The following KLHL14 variants were observed in gnomAD, a reference collection of about 807,000 sequenced individuals.
The protein encoded by KLHL14 is kelch-like protein 14.
A neutral mutation model predicts 64.3 loss-of-function variants in KLHL14; 22 were observed. The observed-to-expected ratio is 0.34, with a 90% CI of 0.24 to 0.49. KLHL14 has a LOEUF of 0.49. KLHL14 is among the 20% of genes least tolerant of loss of function. KLHL14 has a pLI of 0.99. For missense variants in KLHL14, 661 were observed against 789.0 expected, an observed-to-expected ratio of 0.84 and a Z score of 1.94; for synonymous variants, 322 against 333.4, an observed-to-expected ratio of 0.97 and a Z score of 0.37.
At chr18:32,756,403 T>TCACACACACA (rs3042637) in intron 2 of KLHL14, among the ~76,000 whole-genome samples, 83 of 150,852 alleles carry the variant, frequency 5.5e-4, no homozygotes, top group African/African-American at 1.5e-3. Context: ...AGAGTTTCCT[T>TCACACACACA]CACACACACA....
intron 3 of KLHL14, among the ~76,000 whole-genome samples, chr18:32,741,580 G>A (rs756397915): frequency 2.6e-4 from 40 of 152,108 alleles, no homozygotes; most frequent in Non-Finnish European, 4.6e-4. Context: ...ATTTACTAGC[G>A]AACGCCATAA....
chr18:32,734,269 C>T, intron 3 of KLHL14: 1 of 702,560 alleles, frequency 1.4e-6, no homozygotes, highest in African/African-American at 1.7e-5. Context: ...ATATATGTCA[C>T]TTTTAATCAC....
intron 2 of KLHL14, among the ~76,000 whole-genome samples, chr18:32,764,668 G>C (rs1326773774): frequency 6.6e-6 from 1 of 152,092 alleles, no homozygotes; most frequent in African/African-American, 2.4e-5. Flanking sequence ...TTCATGATGT[G>C]AAAATTACAG....
chr18:32,687,681 T>C (rs2049886209), intron 4 of KLHL14, among the ~76,000 whole-genome samples: 1 of 152,196 alleles, frequency 6.6e-6, no homozygotes, highest in South Asian at 2.1e-4. Flanking sequence ...CAAAAACTTC[T>C]TACATCTTCT....
Position 32,768,128 on chromosome 18 carries a change from C to G in KLHL14, c.947+1517G>C, listed in dbSNP as rs118170585. On this transcript the variant is annotated intron_variant, in intron 2 of 8. Transcript: ENST00000359358. ...CGTTTCATGTTTTTTTCCTCATTGG[C>G]CTCTTGTGCTCACTGTTAAAAGCAC... is the stretch of plus-strand genomic sequence containing the variant. Among the ~76,000 whole-genome samples the G allele has an allele frequency of 8.6e-3, 1,308 of 152,224 alleles. 9 individuals are homozygous for G. Among genetic ancestry groups the G allele is most frequent in the Non-Finnish European group, 0.015 (1,015 of 68,020 alleles).
At chr18:32,722,453 A>G (rs7230398) in intron 3 of KLHL14, among the ~76,000 whole-genome samples, 8,142 of 152,232 alleles carry the variant, frequency 0.053, 663 homozygotes, top group African/African-American at 0.18. Flanking sequence ...CTCTTCAAAT[A>G]AAAACTCATG....
intron 3 of KLHL14, among the ~76,000 whole-genome samples, chr18:32,717,810 C>G (rs374835692): frequency 4.9e-4 from 75 of 152,282 alleles, no homozygotes; most frequent in African/African-American, 1.8e-3. Flanking sequence ...TATCATGTGC[C>G]AGGCACAAGT....
At chr18:32,702,365 T>G (rs2049970553) in intron 3 of KLHL14, among the ~76,000 whole-genome samples, 1 of 150,244 alleles carries the variant, frequency 6.7e-6, no homozygotes, top group African/African-American at 2.4e-5. Flanking sequence ...TAAAAAAAAG[T>G]CTTCAATTTT....
chr18:32,742,847 C>T (rs1457152476), intron 2 of KLHL14: 1 of 152,298 alleles, frequency 6.6e-6, no homozygotes, highest in Non-Finnish European at 1.5e-5. Flanking sequence ...TACCTTCTCC[C>T]CCAGGGGGCA....
intron 4 of KLHL14, among the ~76,000 whole-genome samples, chr18:32,688,873 C>A (rs766080955): frequency 2.6e-5 from 4 of 152,160 alleles, no homozygotes; most frequent in Admixed American, 6.6e-5. Context: ...CCACTACAAT[C>A]ATCAAGGTAA....
chr18:32,723,355 T>C (rs767831099), intron 3 of KLHL14, among the ~76,000 whole-genome samples: 1 of 152,230 alleles, frequency 6.6e-6, no homozygotes, highest in South Asian at 2.1e-4. Flanking sequence ...AGGTCCTTGC[T>C]CTGTTCTTCC....
In KLHL14 at chr18:32,680,530, G is replaced by A. The variant is rs1397148907; in HGVS notation, c.1308C>T (p.Gly436=). The A allele has an allele frequency of 1.2e-6, 2 of 1,613,634 alleles. No individual in the cohort carries two copies. The highest frequency in any genetic ancestry group is 1.7e-6 in the Non-Finnish European group (2 of 1,179,878). Residue 436 remains glycine (G), a synonymous_variant, in exon 6 of 9, where the codon GGC becomes GGT. Coordinates refer to ENST00000359358, the MANE Select transcript of KLHL14 (RefSeq NM_020805.3). This position sits in a 1 kb window ranked among gnomAD's most constrained non-coding sequence, Gnocchi z 4.8. ...LYVIGGRNET[G]YLSSVECYNL... ...TATAGCACTCCACGCTGGACAAGTA[G>A]CCAGTTTCATTCCTTCCACCAATTA...
chr18:32,716,165 G>C (rs1480878975), intron 3 of KLHL14, among the ~76,000 whole-genome samples: 1 of 152,086 alleles, frequency 6.6e-6, no homozygotes, highest in Admixed American at 6.6e-5. Context: ...TTAAAATATA[G>C]TCAACTTGTG....
At position 32,769,811 on chromosome 18, in the gene KLHL14, T is replaced by A. The variant is rs746858061; in HGVS notation, c.781A>T (p.Met261Leu). The A allele has an allele frequency of 1.2e-6, 2 of 1,612,262 alleles. No individual in the cohort carries two copies. Among genetic ancestry groups the A allele is most frequent in the East Asian group, 4.5e-5 (2 of 44,810 alleles). ...ETRMQYAPDL[M>L]KRLRFALIPA... ...ATGAGGGCGAAGCGGAGGCGCTTCA[T>A]GAGGTCAGGCGCATACTGCATGCGG... The change falls in exon 2 of 9, where the codon ATG becomes TTG. Residue 261 changes from methionine (M) to leucine (L), a missense_variant. Physicochemically the swap from Met to Leu is conservative, Grantham distance 15. Coordinates refer to ENST00000359358, the MANE Select transcript of KLHL14 (RefSeq NM_020805.3).
At position 32,770,911 on chromosome 18, in the gene KLHL14, C is replaced by T. The variant is rs1465756161; in HGVS notation, c.-43-277G>A. 6.4e-6 allele frequency: 3 copies of T among 470,478 alleles called. No homozygotes were observed. Among genetic ancestry groups the T allele is most frequent in the Non-Finnish European group, 7.9e-6 (2 of 253,346 alleles). 29.1% of individuals were successfully genotyped at this position (470,478 alleles called of 1,614,324 possible). On this transcript the variant is annotated intron_variant, in intron 1 of 8. Coordinates refer to ENST00000359358, the MANE Select transcript of KLHL14 (RefSeq NM_020805.3). The surrounding 1 kb of genome is among the most constrained non-coding windows in gnomAD (Gnocchi z 6.7). ...TCGCCACCTCCCACACACTTCGTCC[C>T]TCACTTTCCTAAAACCAACCACCTC...
At chr18:32,716,701 G>A (rs945280190) in intron 3 of KLHL14, among the ~76,000 whole-genome samples, 4 of 152,128 alleles carry the variant, frequency 2.6e-5, no homozygotes, top group African/African-American at 9.7e-5. Flanking sequence ...TTACAGGCAT[G>A]GGCCTCTGCA....
rs561500009 is a variant in KLHL14, at chr18:32,677,075, T to C, written c.1746+98A>G. 31 of 1,286,542 alleles carry C rather than the reference T, an allele frequency of 2.4e-5. No homozygotes were observed. In the African/African-American group the frequency reaches 4.6e-4, roughly 19 times the overall value. 79.7% of individuals were successfully genotyped at this position (1,286,542 alleles called of 1,614,324 possible). A position where few individuals can be genotyped will look rare whatever the true frequency, so the allele number is the denominator to read the frequency against. On this transcript the variant is annotated intron_variant, in intron 8 of 8. Transcript: ENST00000359358. ...CTGCTTGCATGTAAGTATGATACTCTTAAAAGGTACATGTGTGGAGGATAA... is the reference window on the plus strand; with the variant it reads ...CTGCTTGCATGTAAGTATGATACTCCTAAAAGGTACATGTGTGGAGGATAA...
At chr18:32,751,852 C>G (rs1026837331) in intron 2 of KLHL14, among the ~76,000 whole-genome samples, 1 of 152,152 alleles carries the variant, frequency 6.6e-6, no homozygotes, top group Non-Finnish European at 1.5e-5. Context: ...TAGAGTCCAA[C>G]GTAGTGTCTC....
At position 32,706,462 on chromosome 18, in the gene KLHL14, G is replaced by T. The variant is rs548235837; in HGVS notation, c.1070-10910C>A. On this transcript the variant is annotated intron_variant, in intron 3 of 8. Coordinates refer to ENST00000359358, the MANE Select transcript of KLHL14 (RefSeq NM_020805.3). Reference sequence around the variant, plus strand: ...CTTTCTCGGCACTGTTTTTTAACTGGCAAAACTAGATATTCACTGAATACT... The same window carrying T: ...CTTTCTCGGCACTGTTTTTTAACTGTCAAAACTAGATATTCACTGAATACT... Among the ~76,000 whole-genome samples the T allele has an allele frequency of 6.4e-4, 97 of 152,150 alleles. 2 individuals are homozygous for T. In the South Asian group the frequency reaches 0.019, roughly 29 times the overall value.
Sources: allele counts gnomAD v4.1 joint callset (sites outside exome capture counted in the v4.1 genomes callset), GRCh38; gene constraint gnomAD v4.1.1; non-coding constraint Gnocchi (gnomAD v3.1); transcripts MANE v1.5; gene names NCBI Gene and HGNC (gene_info 2026-07-23, HGNC 2026-07-21).